SMYD3: variants seen among roughly 807,000 people sequenced by gnomAD.
The protein encoded by SMYD3 is SET and MYND domain containing 3.
In SMYD3, 36 loss-of-function variants were observed where a neutral mutation model predicts 57.7. The observed-to-expected ratio is 0.62, with a 90% CI of 0.48 to 0.82. SMYD3 has a LOEUF of 0.82. SMYD3 is among the 40% of genes least tolerant of loss of function. The pLI, the probability that SMYD3 is intolerant of heterozygous loss-of-function variation, is 0.00. For missense variants in SMYD3, 515 were observed against 538.8 expected (o/e 0.96, Z 0.44); for synonymous variants, 211 against 195.0 (o/e 1.08, Z -0.68).
At chr1:246,235,454 G>C (rs2063499343) in intron 5 of SMYD3, among the ~76,000 whole-genome samples, 2 of 152,266 alleles carry the variant, frequency 1.3e-5, no homozygotes, top group African/African-American at 4.8e-5. Context: ...CTTATAATCT[G>C]GTTAGGAATA....
intron 2 of SMYD3, among the ~76,000 whole-genome samples, chr1:246,347,959 AAG>A (rs1297222662): frequency 6.6e-6 from 1 of 151,144 alleles, no homozygotes; most frequent in Non-Finnish European, 1.5e-5. Context: ...TTCTACCAAA[AAG>A]ACACATGTAC....
rs144187412 is a variant in SMYD3 at position 246,082,549 on chromosome 1, G to A, written c.532-152612C>T. Among the ~76,000 whole-genome samples the A allele has an allele frequency of 2.6e-3, 390 of 152,136 alleles. 1 individual carries two copies. Among genetic ancestry groups the A allele is most frequent in the South Asian group, 3.9e-3 (19 of 4,814 alleles). On this transcript the variant is annotated intron_variant, in intron 5 of 11. Coordinates refer to ENST00000490107, the MANE Select transcript of SMYD3 (RefSeq NM_001167740.2). The stretch of plus-strand genomic sequence containing the variant: ...TCCCTAGCCCCTTGCCCGCCAAACT[G>A]TCCATAAAAACCCCAGCTTCTGAGT...
intron 10 of SMYD3, among the ~76,000 whole-genome samples, chr1:245,767,060 T>C (rs2046144624): frequency 6.6e-6 from 1 of 152,196 alleles, no homozygotes; most frequent in African/African-American, 2.4e-5. Flanking sequence ...CAAGGAAAGC[T>C]GGTCAAGCTC....
intron 5 of SMYD3, among the ~76,000 whole-genome samples, chr1:246,168,580 A>C (rs919951964): frequency 2.0e-5 from 3 of 152,242 alleles, no homozygotes; most frequent in African/African-American, 7.2e-5. Context: ...GGAATTAAAA[A>C]GAATGGAGAA....
intron 1 of SMYD3, among the ~76,000 whole-genome samples, chr1:246,384,596 C>T (rs1286739092): frequency 1.3e-5 from 2 of 152,094 alleles, no homozygotes; most frequent in African/African-American, 4.8e-5. Context: ...AAGGTTTCAC[C>T]ATGTTGGCCA....
At chr1:246,273,441 C>A (rs996946798) in intron 5 of SMYD3, among the ~76,000 whole-genome samples, 1 of 151,968 alleles carries the variant, frequency 6.6e-6, no homozygotes, top group African/African-American at 2.4e-5. Flanking sequence ...TGAGCCACCA[C>A]GCCCGGCCCA....
intron 5 of SMYD3, among the ~76,000 whole-genome samples, chr1:245,973,190 G>T (rs1467754674): frequency 6.6e-6 from 1 of 152,172 alleles, no homozygotes; most frequent in East Asian, 1.9e-4. Flanking sequence ...AACTCTAGAA[G>T]AAATAGCTTA....
intron 5 of SMYD3, among the ~76,000 whole-genome samples, chr1:245,933,922 A>G (rs1031115807): frequency 1.3e-5 from 2 of 152,170 alleles, no homozygotes; most frequent in Non-Finnish European, 1.5e-5. Flanking sequence ...ACACCATAAG[A>G]CAAGAACCCA....
chr1:246,166,941 G>T (rs1298717875), intron 5 of SMYD3, among the ~76,000 whole-genome samples: 1 of 152,124 alleles, frequency 6.6e-6, no homozygotes, highest in Non-Finnish European at 1.5e-5. Context: ...CTGCTCTCGG[G>T]TGCCCCTTCC....
intron 5 of SMYD3, chr1:245,956,191 T>C: frequency 2.7e-6 from 1 of 374,708 alleles, no homozygotes; most frequent in East Asian, 1.6e-4. Context: ...GTGTTGGGAT[T>C]ATAGGCGTGA....
intron 1 of SMYD3, among the ~76,000 whole-genome samples, chr1:246,396,829 T>G (rs1572459714): frequency 6.6e-6 from 1 of 152,250 alleles, no homozygotes; most frequent in East Asian, 1.9e-4. Flanking sequence ...CTGTATGGCC[T>G]ACAGAATCAT....
At chr1:246,173,793 T>C (rs1405306271) in intron 5 of SMYD3, among the ~76,000 whole-genome samples, 2 of 152,026 alleles carry the variant, frequency 1.3e-5, no homozygotes, top group African/African-American at 4.8e-5. Flanking sequence ...CTGAGGCTGT[T>C]TACAGTTAAT....
At chr1:246,299,212 T>C (rs1300853) in intron 5 of SMYD3, among the ~76,000 whole-genome samples, 68,579 of 151,940 alleles carry the variant, frequency 0.45, 16,308 homozygotes, top group East Asian at 0.82. Context: ...TAAATTTTAA[T>C]GTTACATGCA....
intron 8 of SMYD3, among the ~76,000 whole-genome samples, chr1:245,885,974 A>C (rs937511252): frequency 1.3e-5 from 2 of 152,226 alleles, no homozygotes; most frequent in African/African-American, 4.8e-5. Flanking sequence ...GAAATAATTA[A>C]CATGTTTTTA....
At chr1:246,427,436 C>T (rs1182518164) in intron 1 of SMYD3, among the ~76,000 whole-genome samples, 2 of 149,574 alleles carry the variant, frequency 1.3e-5, no homozygotes, top group African/African-American at 2.4e-5. Flanking sequence ...AGGAGAATGG[C>T]GTGAACCCGG....
intron 5 of SMYD3, among the ~76,000 whole-genome samples, chr1:246,172,188 C>A (rs1182074635): frequency 6.6e-6 from 1 of 152,048 alleles, no homozygotes; most frequent in Non-Finnish European, 1.5e-5. Context: ...CACGCTTAGG[C>A]TACACAGGCC....
intron 10 of SMYD3, among the ~76,000 whole-genome samples, chr1:245,837,264 G>T (rs2050150298): frequency 6.6e-6 from 1 of 151,538 alleles, no homozygotes. Flanking sequence ...AGAAGAAGAA[G>T]AAGGAGAGGA....
At chr1:245,946,946 G>A (rs1362505606) in intron 5 of SMYD3, among the ~76,000 whole-genome samples, 1 of 152,116 alleles carries the variant, frequency 6.6e-6, no homozygotes, top group Non-Finnish European at 1.5e-5. Context: ...TCTTTGTTAA[G>A]TCACTCTGTC....
chr1:246,471,330 C>T (rs2067959808), intron 1 of SMYD3, among the ~76,000 whole-genome samples: 1 of 152,116 alleles, frequency 6.6e-6, no homozygotes, highest in Non-Finnish European at 1.5e-5. Context: ...TCCTAAGTAG[C>T]AGGGACTACA....
Sources: allele counts gnomAD v4.1 joint callset (sites outside exome capture counted in the v4.1 genomes callset), GRCh38; gene constraint gnomAD v4.1.1; transcripts MANE v1.5; gene names NCBI Gene and HGNC (gene_info 2026-07-23, HGNC 2026-07-21).